The following PPP3CA variants were observed in gnomAD, a reference collection of about 807,000 sequenced individuals.
The protein encoded by PPP3CA is protein phosphatase 3 catalytic subunit alpha, also known as CAM-PRP catalytic subunit.
In PPP3CA, 14 loss-of-function variants were observed where a neutral mutation model predicts 66.5. The observed-to-expected ratio is 0.21, with a 90% CI of 0.14 to 0.33. The LOEUF (loss-of-function observed/expected upper bound fraction) is 0.33, where lower values mean the gene tolerates loss of function less well. Ranked by LOEUF, PPP3CA falls within the 10% of genes least tolerant of loss-of-function variation. PPP3CA has a pLI of 1.00. For missense variants in PPP3CA, 317 were observed against 639.5 expected (o/e 0.50, Z 5.44); for synonymous variants, 232 against 226.2 (o/e 1.03, Z -0.23).
intron 1 of PPP3CA, among the ~76,000 whole-genome samples, chr4:101,332,222 G>A (rs1729410258): frequency 1.3e-5 from 2 of 152,182 alleles, no homozygotes; most frequent in African/African-American, 2.4e-5. Flanking sequence ...GACAGCTCAA[G>A]AGAAAAGTCT....
At chr4:101,123,905 A>C (rs942436651) in intron 2 of PPP3CA, among the ~76,000 whole-genome samples, 1 of 152,218 alleles carries the variant, frequency 6.6e-6, no homozygotes. Context: ...AATTTGATAA[A>C]GTTGTAGTAA....
intron 6 of PPP3CA, among the ~76,000 whole-genome samples, chr4:101,089,366 T>C (rs1215953401): frequency 2.7e-5 from 4 of 149,728 alleles, no homozygotes; most frequent in Admixed American, 1.3e-4. Context: ...CTGATAAGAG[T>C]GTCAACTGCT....
chr4:101,192,521 C>A (rs1724639628), intron 2 of PPP3CA, among the ~76,000 whole-genome samples: 1 of 152,116 alleles, frequency 6.6e-6, no homozygotes, highest in Admixed American at 6.6e-5. Context: ...CCCATCTCCA[C>A]CCCACCTCTC....
chr4:101,215,265 A>G (rs1420685944), intron 1 of PPP3CA, among the ~76,000 whole-genome samples: 1 of 152,036 alleles, frequency 6.6e-6, no homozygotes, highest in Non-Finnish European at 1.5e-5. Context: ...TTAAAAATAA[A>G]TGCAAATTGC....
chr4:101,125,296 G>C (rs193015367), intron 2 of PPP3CA, among the ~76,000 whole-genome samples: 25 of 152,310 alleles, frequency 1.6e-4, no homozygotes, highest in Admixed American at 1.4e-3. Context: ...TTTCACTCTT[G>C]ATCAACTTCT....
At chr4:101,231,915 T>C (rs892920586) in intron 1 of PPP3CA, among the ~76,000 whole-genome samples, 1 of 151,672 alleles carries the variant, frequency 6.6e-6, no homozygotes, top group Non-Finnish European at 1.5e-5. Flanking sequence ...ATCATAAGTA[T>C]TCATTCTCAT....
chr4:101,141,640 C>G (rs1349497120), intron 2 of PPP3CA, among the ~76,000 whole-genome samples: 1 of 152,176 alleles, frequency 6.6e-6, no homozygotes, highest in Non-Finnish European at 1.5e-5. Context: ...AAGGTCTTCC[C>G]TGATCCCCAT....
intron 1 of PPP3CA, among the ~76,000 whole-genome samples, chr4:101,256,529 G>A (rs982435570): frequency 2.0e-5 from 3 of 151,926 alleles, no homozygotes; most frequent in Admixed American, 2.0e-4. Context: ...TGGCTAGCAA[G>A]GCTGCCTGCT....
In PPP3CA at chr4:101,024,880, C is replaced by T. The variant is rs1023462542; in HGVS notation, c.*985G>A. The T allele has an allele frequency of 7.9e-5, 12 of 151,970 alleles. No homozygotes were observed. The highest frequency in any genetic ancestry group is 1.9e-4 in the African/African-American group (8 of 41,214). The allele number at this position is 151,970 out of a possible 1,614,324, so 9.4% of individuals were successfully genotyped here. On this transcript the variant is annotated 3_prime_UTR_variant, in exon 14 of 14. Coordinates refer to ENST00000394854, the MANE Select transcript of PPP3CA (RefSeq NM_000944.5). ...TTCCAGTATATGTCAGACCACTAAGCGCATTACAGTCCCATACAGGCCGAT... is the reference window on the plus strand; with the variant it reads ...TTCCAGTATATGTCAGACCACTAAGTGCATTACAGTCCCATACAGGCCGAT...
chr4:101,221,214 T>A (rs1725613352), intron 1 of PPP3CA, among the ~76,000 whole-genome samples: 2 of 151,564 alleles, frequency 1.3e-5, no homozygotes, highest in Admixed American at 1.3e-4. Flanking sequence ...AATTTTGTGA[T>A]AGAAAGAGTA....
In PPP3CA at chr4:101,106,433, GAAAGAAAGAAAGA is replaced by G. The variant is rs1730703998; in HGVS notation, c.384+2508_384+2520del. 1.4e-3 allele frequency among the ~76,000 whole-genome samples: 17 copies of G among 11,738 alleles called. 6 individuals are homozygous for G. The highest frequency in any genetic ancestry group is 4.6e-3 in the African/African-American group (17 of 3,676). 7.7% of individuals were successfully genotyped at this position (11,738 alleles called of 152,430 possible). On this transcript the variant is annotated intron_variant, in intron 3 of 13. Coordinates refer to ENST00000394854, the MANE Select transcript of PPP3CA (RefSeq NM_000944.5). ...AGAAAGAAAGAAAGAAAGAAAGAAAGAAAGAAAGAAAGAAAGAAAGAGAAAAGAAAAGAAAAGA... is the reference window on the plus strand; with the variant it reads ...AGAAAGAAAGAAAGAAAGAAAGAAAGAAGAAAGAGAAAAGAAAAGAAAAGA...
chr4:101,328,065 A>G (rs1729260786), intron 1 of PPP3CA, among the ~76,000 whole-genome samples: 1 of 152,322 alleles, frequency 6.6e-6, no homozygotes, highest in African/African-American at 2.4e-5. Context: ...GGTATTCACC[A>G]TGAAGCAAGA....
At chr4:101,130,404 C>A (rs1722391719) in intron 2 of PPP3CA, among the ~76,000 whole-genome samples, 1 of 152,088 alleles carries the variant, frequency 6.6e-6, no homozygotes, top group African/African-American at 2.4e-5. Context: ...CAGAGAGCAC[C>A]ACAAAGATAC....
rs1472588939 is a variant in PPP3CA, at chr4:101,302,228, TCAGCTCCCTC to T, written c.58+44501_58+44510del. ...TGTTGCTCAAATGAAGCATCAAGCATCAGCTCCCTCATTAGCCAGCTGTGTAACCAGGGAC... is the reference window on the plus strand; with the variant it reads ...TGTTGCTCAAATGAAGCATCAAGCATATTAGCCAGCTGTGTAACCAGGGAC... On this transcript the variant is annotated intron_variant, in intron 1 of 13. Transcript: ENST00000394854. Among the ~76,000 whole-genome samples the T allele has an allele frequency of 1.9e-4, 29 of 152,350 alleles. No homozygotes were observed. The East Asian group carries it at 4.8e-3, about 25-fold the overall frequency.
chr4:101,295,091 G>A (rs1289541044), intron 1 of PPP3CA, among the ~76,000 whole-genome samples: 1 of 151,028 alleles, frequency 6.6e-6, no homozygotes, highest in Non-Finnish European at 1.5e-5. Context: ...CATGAGGTCA[G>A]GAGATCGAGA....
chr4:101,093,496 A>C (rs1730051692), intron 6 of PPP3CA, among the ~76,000 whole-genome samples: 2 of 152,178 alleles, frequency 1.3e-5, no homozygotes, highest in South Asian at 4.1e-4. Flanking sequence ...GGAAACCAAA[A>C]AAATAATGAC....
intron 1 of PPP3CA, among the ~76,000 whole-genome samples, chr4:101,252,609 G>A (rs1447233909): frequency 6.6e-6 from 1 of 152,076 alleles, no homozygotes; most frequent in Non-Finnish European, 1.5e-5. Flanking sequence ...AATATTACAT[G>A]GAATTTTAGT....
chr4:101,106,298 C>T lies in PPP3CA; in HGVS notation c.384+2656G>A, dbSNP rs78657301. On this transcript the variant is annotated intron_variant, in intron 3 of 13. Coordinates refer to ENST00000394854, the MANE Select transcript of PPP3CA (RefSeq NM_000944.5). ...ACTGTGCCACTGCAGAGAATGAAGC[C>T]ACAGTGAGCTATGACTGTGCTACTG... Among the ~76,000 whole-genome samples the T allele has an allele frequency of 1.8e-3, 202 of 113,934 alleles. 15 individuals are homozygous for T. Among genetic ancestry groups the T allele is most frequent in the African/African-American group, 7.4e-3 (123 of 16,604 alleles). 74.7% of individuals were successfully genotyped at this position (113,934 alleles called of 152,430 possible).
intron 2 of PPP3CA, among the ~76,000 whole-genome samples, chr4:101,118,710 CT>C (rs1721925990): frequency 6.6e-6 from 1 of 151,904 alleles, no homozygotes; most frequent in Non-Finnish European, 1.5e-5. Flanking sequence ...TAAGTGATGC[CT>C]TCTTTTTAAA....
Sources: gnomAD v4.1 joint callset for allele counts (sites outside exome capture counted in the v4.1 genomes callset) on GRCh38, gnomAD v4.1.1 for gene constraint, MANE v1.5 for transcripts, NCBI Gene and HGNC (gene_info 2026-07-23, HGNC 2026-07-21) for gene names.